The following SORT1 variants were observed in gnomAD, a reference collection of about 807,000 sequenced individuals.
The protein encoded by SORT1 is sortilin.
A neutral mutation model predicts 101.7 loss-of-function variants in SORT1; 39 were observed. The ratio of observed to expected loss-of-function variants is 0.38; its 90% CI spans 0.30 to 0.50. SORT1 has a LOEUF of 0.50. Among genes scored for constraint, SORT1 ranks in the 20% least tolerant of loss-of-function variants. SORT1 has a pLI of 0.90. For missense variants in SORT1, 878 were observed against 1,040.4 expected, an observed-to-expected ratio of 0.84 and a Z score of 2.15; for synonymous variants, 396 against 393.7, an observed-to-expected ratio of 1.01 and a Z score of -0.07.
At chr1:109,335,664 C>CT (rs1386973043) in intron 11 of SORT1, among the ~76,000 whole-genome samples, 3 of 151,748 alleles carry the variant, frequency 2.0e-5, no homozygotes, top group Non-Finnish European at 4.4e-5. Flanking sequence ...TTTTTTTTCC[C>CT]TTTTTTCCTT....
intron 1 of SORT1, chr1:109,392,684 T>A (rs1652982593): frequency 1.0e-6 from 1 of 984,292 alleles, no homozygotes; most frequent in African/African-American, 1.7e-5. Context: ...AAGACTAACC[T>A]TTCCCCAGAT....
intron 1 of SORT1, among the ~76,000 whole-genome samples, chr1:109,378,044 A>C (rs1651971536): frequency 1.3e-5 from 2 of 152,060 alleles, no homozygotes; most frequent in African/African-American, 4.8e-5. Context: ...CAGCCTGGGC[A>C]ATATAGTGAG....
Position 109,341,997 on chromosome 1 carries a change from C to T in SORT1, c.1108+17G>A, listed in dbSNP as rs1371728427. 3 of 1,610,220 alleles carry T rather than the reference C, an allele frequency of 1.9e-6. No homozygotes were observed. Among genetic ancestry groups the T allele is most frequent in the Non-Finnish European group, 2.5e-6 (3 of 1,177,318 alleles). ...CATCTCTATGCTTTTAAGGGTAAGC[C>T]ACTAAAAAGCTCTTACCTCCAGGTT... On this transcript the variant is annotated intron_variant, in intron 9 of 19. Transcript: ENST00000256637.
At chr1:109,347,617 G>T (rs1649688069) in intron 6 of SORT1, 85 bp from the exon 7 acceptor site, 2 of 937,002 alleles carry the variant, frequency 2.1e-6, no homozygotes, top group Non-Finnish European at 1.7e-6. Flanking sequence ...TTCCTAGCAG[G>T]TCTAACAAGC....
intron 5 of SORT1, among the ~76,000 whole-genome samples, chr1:109,352,942 G>A (rs931558298): frequency 8.5e-5 from 13 of 152,224 alleles, no homozygotes; most frequent in Admixed American, 2.0e-4. Flanking sequence ...CAGCTTAAGC[G>A]GCTGGAGGCC....
chr1:109,384,798 G>A (rs1198322635), intron 1 of SORT1, among the ~76,000 whole-genome samples: 1 of 152,128 alleles, frequency 6.6e-6, no homozygotes, highest in Non-Finnish European at 1.5e-5. Context: ...ATAGGACCAG[G>A]CCAGGCATGG....
At chr1:109,379,222 G>A (rs537283543) in intron 1 of SORT1, among the ~76,000 whole-genome samples, 3 of 151,974 alleles carry the variant, frequency 2.0e-5, no homozygotes, top group African/African-American at 7.2e-5. Flanking sequence ...CCAATCTTTT[G>A]GCTTCCCTGG....
At chr1:109,393,894 C>T (rs1473691637) in intron 1 of SORT1, among the ~76,000 whole-genome samples, 2 of 151,484 alleles carry the variant, frequency 1.3e-5, no homozygotes, top group East Asian at 3.9e-4. Context: ...TATACATATA[C>T]GTATATATTA....
chr1:109,326,462 TATACATACAC>T (rs1377328917), intron 13 of SORT1, among the ~76,000 whole-genome samples: 1,392 of 62,832 alleles, frequency 0.022, 47 homozygotes, highest in South Asian at 0.075. Context: ...TATATATATA[TATACATACAC>T]ACACACACAC....
At chr1:109,365,276 T>G (rs1651001752) in intron 3 of SORT1, among the ~76,000 whole-genome samples, 1 of 152,252 alleles carries the variant, frequency 6.6e-6, no homozygotes, top group South Asian at 2.1e-4. Flanking sequence ...CAGCCTGGAG[T>G]GCAGTGATGT....
intron 11 of SORT1, among the ~76,000 whole-genome samples, chr1:109,329,100 C>A (rs549043804): frequency 1.3e-5 from 2 of 152,186 alleles, no homozygotes; most frequent in African/African-American, 2.4e-5. Flanking sequence ...AGTTGCCCCC[C>A]CAAGAATCTC....
chr1:109,346,179 G>C (rs1649576579), intron 7 of SORT1, among the ~76,000 whole-genome samples: 1 of 151,848 alleles, frequency 6.6e-6, no homozygotes, highest in African/African-American at 2.4e-5. Flanking sequence ...CAGGCGTGGT[G>C]GTGGGCGCCT....
chr1:109,386,280 T>C (rs1324758665), intron 1 of SORT1, among the ~76,000 whole-genome samples: 3 of 152,132 alleles, frequency 2.0e-5, no homozygotes, highest in Non-Finnish European at 4.4e-5. Context: ...AGCTGGGCCC[T>C]ACCTTTAAGG....
At chr1:109,369,155 C>T (rs1295166586) in intron 2 of SORT1, among the ~76,000 whole-genome samples, 1 of 152,086 alleles carries the variant, frequency 6.6e-6, no homozygotes, top group African/African-American at 2.4e-5. Context: ...ACCTCATCTT[C>T]ACTAAAAATA....
intron 14 of SORT1, among the ~76,000 whole-genome samples, chr1:109,324,335 G>A (rs1570894803): frequency 1.3e-5 from 2 of 151,956 alleles, no homozygotes; most frequent in South Asian, 2.1e-4. Context: ...ATGGAGTTTC[G>A]CCCTGTTGGC....
intron 3 of SORT1, among the ~76,000 whole-genome samples, chr1:109,363,617 C>T (rs1650887964): frequency 6.6e-6 from 1 of 152,202 alleles, no homozygotes; most frequent in South Asian, 2.1e-4. Context: ...CAACTTCCTT[C>T]TATTCTTGTG....
chr1:109,324,263 G>T (rs1030734359), intron 14 of SORT1, among the ~76,000 whole-genome samples: 2 of 151,974 alleles, frequency 1.3e-5, no homozygotes, highest in Non-Finnish European at 2.9e-5. Context: ...CAACTAGCTG[G>T]GACCCGCCAC....
At position 109,397,584 on chromosome 1, in the gene SORT1, C is replaced by A; in HGVS notation, c.306+3G>T. 1.6e-6 allele frequency: 2 copies of A among 1,237,612 alleles called. No individual in the cohort carries two copies. The highest frequency in any genetic ancestry group is 1.8e-5 in the South Asian group (1 of 55,474). The allele number at this position is 1,237,612 out of a possible 1,614,324, so 76.7% of individuals were successfully genotyped here. The stretch of plus-strand genomic sequence containing the variant: ...GCGGCTCCCGGGCCCGGCGCCCGCT[C>A]ACCTGGTGCGTGTTGTTGGCCAGCT... On this transcript the variant is annotated splice_donor_region_variant and intron_variant, in intron 1 of 19. Transcript: ENST00000256637.
chr1:109,381,345 G>A (rs1398935393), intron 1 of SORT1, among the ~76,000 whole-genome samples: 1 of 151,874 alleles, frequency 6.6e-6, no homozygotes, highest in African/African-American at 2.4e-5. Context: ...TATAAATGAA[G>A]AACTGGAGAT....
Sources: gnomAD v4.1 joint callset for allele counts (sites outside exome capture counted in the v4.1 genomes callset) on GRCh38, gnomAD v4.1.1 for gene constraint, MANE v1.5 for transcripts, NCBI Gene and HGNC (gene_info 2026-07-23, HGNC 2026-07-21) for gene names.